DNM1: variants seen among roughly 807,000 people sequenced by gnomAD.
DNM1 encodes dynamin-1.
Under a neutral mutation model 104.6 loss-of-function variants are expected in DNM1, and 29 were observed. The observed-to-expected ratio is 0.28, with a 90% CI of 0.21 to 0.38. The LOEUF (loss-of-function observed/expected upper bound fraction) is 0.38, where lower values mean the gene tolerates loss of function less well. DNM1 is among the 10% of genes least tolerant of loss of function. The probability of loss-of-function intolerance (pLI) is 1.00; values close to 1 mark genes in which losing one functional copy is unlikely to be tolerated. For missense variants in DNM1, 640 were observed against 1,189.4 expected (o/e 0.54, Z 6.79); for synonymous variants, 445 against 475.8 (o/e 0.94, Z 0.84).
chr9:128,239,871 C>T (rs923659852), intron 13 of DNM1, 92 bp downstream of exon 13: 3 of 1,569,428 alleles, frequency 1.9e-6, no homozygotes, highest in Non-Finnish European at 2.6e-6. Flanking sequence ...GGAAGGGTCC[C>T]ACGGGGGCCA....
rs1463494368 is a variant in DNM1, at chr9:128,245,117, T to C, written c.1672-1277T>C. On this transcript the variant is annotated intron_variant, in intron 15 of 21. Transcript: ENST00000372923. The surrounding 1 kb of genome is among the most constrained non-coding windows in gnomAD (Gnocchi z 5.2). ...GTCCAACCCCGAAGCACAGGGCGGG[T>C]GGTGGCGGGGCCTCTCTCGAACGGT... 9.1e-6 allele frequency: 2 copies of C among 219,354 alleles called. No homozygotes were observed. Among genetic ancestry groups the C allele is most frequent in the East Asian group, 2.3e-4 (2 of 8,736 alleles). 13.6% of individuals were successfully genotyped at this position (219,354 alleles called of 1,614,324 possible).
intron 21 of DNM1, 109 bp downstream of exon 21, chr9:128,251,049 C>G: frequency 1.3e-6 from 1 of 773,026 alleles, no homozygotes; most frequent in Non-Finnish European, 2.1e-6. Context: ...CCGGCCGTTT[C>G]TATCCCAGGC....
chr9:128,246,600 C>T (rs893637226), intron 16 of DNM1, 97 bp downstream of exon 16: 2 of 835,670 alleles, frequency 2.4e-6, no homozygotes, highest in Non-Finnish European at 4.0e-6. Flanking sequence ...AGGAACCTCC[C>T]CTAGGCCCCA....
intron 10 of DNM1, among the ~76,000 whole-genome samples, chr9:128,227,768 T>G (rs1012484328): frequency 8.5e-5 from 13 of 152,230 alleles, no homozygotes; most frequent in Non-Finnish European, 1.9e-4. Context: ...GACGGACATT[T>G]AAGTTTCAAT....
At chr9:128,244,772 T>G (rs754759597) in intron 15 of DNM1, 2 of 534,422 alleles carry the variant, frequency 3.7e-6, no homozygotes, top group Non-Finnish European at 7.7e-6. Flanking sequence ...ACTGTACAAT[T>G]TGGGAGTCCT....
chr9:128,221,849 G>A (rs1835041448), intron 6 of DNM1, among the ~76,000 whole-genome samples: 1 of 152,124 alleles, frequency 6.6e-6, no homozygotes, highest in Non-Finnish European at 1.5e-5. Context: ...GCAGTGAGCT[G>A]AGATCACGCC....
chr9:128,237,466 G>T (rs1333643340), intron 11 of DNM1, among the ~76,000 whole-genome samples: 1 of 151,722 alleles, frequency 6.6e-6, no homozygotes, highest in African/African-American at 2.4e-5. Context: ...TCACCATGTT[G>T]GCCAGGCTGA....
chr9:128,204,630 A>T (rs980024987), intron 1 of DNM1, among the ~76,000 whole-genome samples: 2 of 152,054 alleles, frequency 1.3e-5, no homozygotes, highest in Admixed American at 6.5e-5. Context: ...TGCTGAGGAG[A>T]GAGAAGAAAG....
intron 15 of DNM1, among the ~76,000 whole-genome samples, chr9:128,242,910 G>C (rs563980013): frequency 6.6e-6 from 1 of 152,180 alleles, no homozygotes; most frequent in South Asian, 2.1e-4. Context: ...CCTGGGGAGG[G>C]TGGGCAGGGG....
intron 6 of DNM1, among the ~76,000 whole-genome samples, chr9:128,221,881 C>T (rs554302137): frequency 4.6e-5 from 7 of 151,796 alleles, no homozygotes; most frequent in African/African-American, 1.5e-4. Context: ...GCCTGGGTGA[C>T]GAGTGAAACT....
chr9:128,220,487 C>A lies in DNM1; in HGVS notation c.849+146C>A. The A allele has an allele frequency of 1.0e-6, 1 of 979,342 alleles. No individual in the cohort carries two copies. Among genetic ancestry groups the A allele is most frequent in the Non-Finnish European group, 1.5e-6 (1 of 670,122 alleles). The allele number at this position is 979,342 out of a possible 1,614,324, so 60.7% of individuals were successfully genotyped here. A position where few individuals can be genotyped will look rare whatever the true frequency, so the allele number is the denominator to read the frequency against. ...CCTCAGAAAAGCAAAGCAACTTGCCCACAGCCCCACAGCTAGGTAGCAGCA... is the reference window on the plus strand; with the variant it reads ...CCTCAGAAAAGCAAAGCAACTTGCCAACAGCCCCACAGCTAGGTAGCAGCA... On this transcript the variant is annotated intron_variant, in intron 6 of 21. Coordinates refer to ENST00000372923, the MANE Select transcript of DNM1 (RefSeq NM_004408.4). This position sits in a 1 kb window ranked among gnomAD's most constrained non-coding sequence, Gnocchi z 5.2.
intron 1 of DNM1, among the ~76,000 whole-genome samples, chr9:128,207,188 G>T (rs1299435928): frequency 6.6e-6 from 1 of 152,072 alleles, no homozygotes; most frequent in African/African-American, 2.4e-5. Context: ...CCAGGGTTTG[G>T]TTCTGAACAT....
intron 10 of DNM1, among the ~76,000 whole-genome samples, chr9:128,227,765 A>G (rs993146779): frequency 2.6e-5 from 4 of 152,158 alleles, no homozygotes; most frequent in Non-Finnish European, 5.9e-5. Flanking sequence ...CTTGACGGAC[A>G]TTTAAGTTTC....
At chr9:128,235,488 C>T (rs570665484) in intron 11 of DNM1, among the ~76,000 whole-genome samples, 47 of 148,874 alleles carry the variant, frequency 3.2e-4, no homozygotes, top group Non-Finnish European at 4.9e-4. Flanking sequence ...AGTGAGACTC[C>T]GTCTCAAAAA....
intron 11 of DNM1, among the ~76,000 whole-genome samples, chr9:128,236,721 A>G (rs537031751): frequency 1.3e-5 from 2 of 152,254 alleles, no homozygotes; most frequent in South Asian, 4.1e-4. Context: ...GTGAGGCGGC[A>G]TGCACCTGAA....
chr9:128,237,182 T>C (rs1213610977), intron 11 of DNM1, among the ~76,000 whole-genome samples: 1 of 152,176 alleles, frequency 6.6e-6, no homozygotes, highest in African/African-American at 2.4e-5. Flanking sequence ...AAAGTCATTC[T>C]CATCACTACT....
intron 9 of DNM1, 147 bp downstream of exon 9, chr9:128,223,007 G>A (rs1835112070): frequency 2.6e-6 from 2 of 772,576 alleles, no homozygotes; most frequent in African/African-American, 1.7e-5. Flanking sequence ...CTGGCTCCCT[G>A]CATGACAGGC....
intron 10 of DNM1, chr9:128,231,849 A>G: frequency 2.9e-6 from 1 of 346,504 alleles, no homozygotes; most frequent in South Asian, 2.1e-5. Context: ...TTCTAAGGAG[A>G]GTCAGCGGAC....
In DNM1 at chr9:128,239,525, C is replaced by T; in HGVS notation, c.1493+10C>T. On this transcript the variant is annotated intron_variant, in intron 12 of 21. Coordinates refer to ENST00000372923, the MANE Select transcript of DNM1 (RefSeq NM_004408.4). ...TCATAGGCTTTGCCAAGTGAGTGCTCCCCCAGGCAAAAAGTGAGTGCTCCC... is the reference window on the plus strand; with the variant it reads ...TCATAGGCTTTGCCAAGTGAGTGCTTCCCCAGGCAAAAAGTGAGTGCTCCC... The T allele has an allele frequency of 6.2e-7, 1 of 1,609,676 alleles. No homozygotes were observed. The highest frequency in any genetic ancestry group is 8.5e-7 in the Non-Finnish European group (1 of 1,177,724).
Sources: gnomAD v4.1 joint callset for allele counts (sites outside exome capture counted in the v4.1 genomes callset) on GRCh38, gnomAD v4.1.1 for gene constraint, Gnocchi (gnomAD v3.1) non-coding constraint, MANE v1.5 for transcripts, NCBI Gene and HGNC (gene_info 2026-07-23, HGNC 2026-07-21) for gene names.